FSTL4: variants seen among roughly 807,000 people sequenced by gnomAD.
The protein encoded by FSTL4 is follistatin like 4, also known as follistatin-related protein 4.
Under a neutral mutation model 78.2 loss-of-function variants are expected in FSTL4, and 28 were observed. The ratio of observed to expected loss-of-function variants is 0.36; its 90% confidence interval spans 0.27 to 0.49. FSTL4 has a LOEUF of 0.49. Ranked by LOEUF, FSTL4 falls within the 20% of genes least tolerant of loss-of-function variation. The probability of loss-of-function intolerance (pLI) is 0.98; values close to 1 mark genes in which losing one functional copy is unlikely to be tolerated. For missense variants in FSTL4, 922 were observed against 1,084.9 expected (o/e 0.85, Z 2.11); for synonymous variants, 422 against 440.5 (o/e 0.96, Z 0.53).
At chr5:133,791,134 T>C in the FSTL4 span, among the ~76,000 whole-genome samples, 1 of 152,182 alleles carries the variant, frequency 6.6e-6, no homozygotes, top group Non-Finnish European at 1.5e-5. Context: ...CTCCTGCCCT[T>C]GCTACTCCTG....
At chr5:133,249,258 T>G (rs1339850160) in intron 7 of FSTL4, 152 bp downstream of exon 7, 1 of 641,690 alleles carries the variant, frequency 1.6e-6, no homozygotes, top group African/African-American at 1.8e-5. Flanking sequence ...TTGGATTTTC[T>G]GATACTGCCA....
At chr5:133,409,941 A>G (rs947012775) in intron 3 of FSTL4, among the ~76,000 whole-genome samples, 3 of 152,240 alleles carry the variant, frequency 2.0e-5, no homozygotes, top group Non-Finnish European at 4.4e-5. Flanking sequence ...AGAGGGCTGT[A>G]TAGAGATCCC....
intron 6 of FSTL4, among the ~76,000 whole-genome samples, chr5:133,307,364 C>A (rs1025193820): frequency 6.6e-6 from 1 of 152,184 alleles, no homozygotes. Flanking sequence ...ACGGAGAATG[C>A]AGATGTGTTG....
chr5:133,275,495 G>A (rs145110779), intron 6 of FSTL4, among the ~76,000 whole-genome samples: 2 of 151,930 alleles, frequency 1.3e-5, no homozygotes, highest in Non-Finnish European at 2.9e-5. Context: ...GGAAGGCGGT[G>A]GTTCCAGGGT....
chr5:133,367,022 C>T (rs1580653333), intron 4 of FSTL4, among the ~76,000 whole-genome samples: 2 of 152,274 alleles, frequency 1.3e-5, no homozygotes, highest in Admixed American at 1.3e-4. Flanking sequence ...GCATCCCCAG[C>T]CATTCAGGGT....
chr5:133,817,859 C>T, the FSTL4 span, among the ~76,000 whole-genome samples: 3 of 152,202 alleles, frequency 2.0e-5, no homozygotes, highest in African/African-American at 7.2e-5. Flanking sequence ...TACCCTAAGT[C>T]ACATCATCCT....
the FSTL4 span, among the ~76,000 whole-genome samples, chr5:133,622,653 C>A: frequency 6.6e-6 from 1 of 152,108 alleles, no homozygotes; most frequent in African/African-American, 2.4e-5. Context: ...TTTTAACTTA[C>A]ATTTCTCTAA....
the FSTL4 span, among the ~76,000 whole-genome samples, chr5:133,698,701 A>G: frequency 6.6e-6 from 1 of 152,350 alleles, no homozygotes; most frequent in South Asian, 2.1e-4. Context: ...TTTCCCTGTT[A>G]GGTAAGTGAG....
At chr5:133,339,785 C>A (rs889736265) in intron 4 of FSTL4, among the ~76,000 whole-genome samples, 2 of 152,160 alleles carry the variant, frequency 1.3e-5, no homozygotes, top group Non-Finnish European at 2.9e-5. Flanking sequence ...AAATCCAACC[C>A]CTTTGCCTAG....
the FSTL4 span, among the ~76,000 whole-genome samples, chr5:133,687,499 G>C: frequency 6.6e-6 from 1 of 152,268 alleles, no homozygotes; most frequent in African/African-American, 2.4e-5. Flanking sequence ...CAGAGAGGAG[G>C]AGAGAGATCT....
At chr5:133,655,836 A>T in the FSTL4 span, among the ~76,000 whole-genome samples, 1 of 152,190 alleles carries the variant, frequency 6.6e-6, no homozygotes, top group Non-Finnish European at 1.5e-5. Flanking sequence ...CAAGTGCATC[A>T]TATTTATTAA....
At chr5:133,485,401 C>T (rs900739646) in intron 3 of FSTL4, among the ~76,000 whole-genome samples, 1 of 152,180 alleles carries the variant, frequency 6.6e-6, no homozygotes, top group Non-Finnish European at 1.5e-5. Context: ...CTTGCTGGTT[C>T]AGGCTAATTG....
chr5:133,458,833 C>G (rs1018597177), intron 3 of FSTL4, among the ~76,000 whole-genome samples: 5 of 152,204 alleles, frequency 3.3e-5, no homozygotes, highest in African/African-American at 7.2e-5. Flanking sequence ...TAGATTGTTT[C>G]AAGCGTTGGC....
intron 3 of FSTL4, among the ~76,000 whole-genome samples, chr5:133,452,690 G>T (rs1757408922): frequency 6.6e-6 from 1 of 152,262 alleles, no homozygotes; most frequent in African/African-American, 2.4e-5. Context: ...CGCTCAGGTT[G>T]TAAGTAGTAG....
chr5:133,635,341 A>G, the FSTL4 span, among the ~76,000 whole-genome samples: 1 of 152,254 alleles, frequency 6.6e-6, no homozygotes, highest in African/African-American at 2.4e-5. Flanking sequence ...TTACATGCTT[A>G]ATAACAGTAG....
At chr5:133,550,890 T>C (rs1759678918) in intron 3 of FSTL4, among the ~76,000 whole-genome samples, 1 of 152,192 alleles carries the variant, frequency 6.6e-6, no homozygotes, top group Non-Finnish European at 1.5e-5. Context: ...TTGGCTTCTT[T>C]TCACTGTATG....
At chr5:133,284,601 G>A (rs896114809) in intron 6 of FSTL4, among the ~76,000 whole-genome samples, 2 of 145,898 alleles carry the variant, frequency 1.4e-5, no homozygotes, top group African/African-American at 2.7e-5. Flanking sequence ...GGCATGTGCT[G>A]CTCTGGAACC....
chr5:133,526,001 CTTG>C (rs995235983), intron 3 of FSTL4, among the ~76,000 whole-genome samples: 6 of 152,282 alleles, frequency 3.9e-5, no homozygotes, highest in Non-Finnish European at 8.8e-5. Flanking sequence ...GACGGAGCAG[CTTG>C]TTATTCTCTC....
intron 6 of FSTL4, among the ~76,000 whole-genome samples, chr5:133,251,751 G>A (rs1219938974): frequency 1.3e-5 from 2 of 152,090 alleles, no homozygotes; most frequent in East Asian, 1.9e-4. Context: ...GACCTAGACC[G>A]AACCCCTGGT....
Sources: allele counts gnomAD v4.1 joint callset (sites outside exome capture counted in the v4.1 genomes callset), GRCh38; gene constraint gnomAD v4.1.1; transcripts MANE v1.5; gene names NCBI Gene and HGNC (gene_info 2026-07-23, HGNC 2026-07-21).